SLC45A4: variants seen among roughly 807,000 people sequenced by gnomAD.
SLC45A4 encodes the protein polyamine-transporter SLC45A4.
Under a neutral mutation model 63.7 loss-of-function variants are expected in SLC45A4, and 32 were observed. That is an observed-to-expected ratio of 0.50 (90% CI 0.38 to 0.67). The LOEUF (loss-of-function observed/expected upper bound fraction) is 0.67. SLC45A4 is among the 30% of genes least tolerant of loss of function. SLC45A4 has a pLI of 0.00. For synonymous variants in SLC45A4, 535 were observed against 510.0 expected, an observed-to-expected ratio of 1.05 and a Z score of -0.66; for missense variants, 1,027 against 1,157.7, an observed-to-expected ratio of 0.89 and a Z score of 1.64.
At chr8:141,243,142 C>T (rs1827999088) in intron 2 of SLC45A4, among the ~76,000 whole-genome samples, 1 of 152,218 alleles carries the variant, frequency 6.6e-6, no homozygotes. Context: ...CCATGACTGT[C>T]CTCCCCACCG....
chr8:141,294,286 C>A (rs1440647701), intron 1 of SLC45A4, among the ~76,000 whole-genome samples: 1 of 152,230 alleles, frequency 6.6e-6, no homozygotes, highest in Non-Finnish European at 1.5e-5. Flanking sequence ...AGAAGCAGGT[C>A]TCAGTCAACG....
intron 1 of SLC45A4, among the ~76,000 whole-genome samples, chr8:141,298,912 G>C (rs1186326787): frequency 2.0e-5 from 3 of 152,066 alleles, no homozygotes; most frequent in African/African-American, 4.8e-5. Flanking sequence ...GTGGGGGGTG[G>C]GGGGAGCTGA....
chr8:141,216,032 TC>T, intron 6 of SLC45A4, 62 bp from the exon 7 acceptor site: 2 of 1,461,186 alleles, frequency 1.4e-6, no homozygotes, highest in Non-Finnish European at 1.9e-6. Flanking sequence ...TCGGGCTCCC[TC>T]CACCATCCCT....
At chr8:141,258,241 G>A (rs189852146) in intron 1 of SLC45A4, among the ~76,000 whole-genome samples, 17 of 152,158 alleles carry the variant, frequency 1.1e-4, no homozygotes, top group Admixed American at 6.5e-4. Flanking sequence ...GAAAGAAGGC[G>A]ACGGTGGAGC....
chr8:141,241,977 C>G (rs1340267083), intron 2 of SLC45A4, among the ~76,000 whole-genome samples: 1 of 152,100 alleles, frequency 6.6e-6, no homozygotes. Flanking sequence ...GTGGCCTTCG[C>G]ACGGACAGCG....
At chr8:141,284,623 A>G (rs1830073775) in intron 1 of SLC45A4, among the ~76,000 whole-genome samples, 1 of 152,186 alleles carries the variant, frequency 6.6e-6, no homozygotes. Context: ...CAGTGACCCA[A>G]AGAAAAAGAT....
intron 1 of SLC45A4, among the ~76,000 whole-genome samples, chr8:141,271,673 G>A (rs1297584908): frequency 6.6e-6 from 1 of 152,188 alleles, no homozygotes; most frequent in East Asian, 1.9e-4. Flanking sequence ...CCAAACAACT[G>A]GCAGGGGAGA....
intron 1 of SLC45A4, among the ~76,000 whole-genome samples, chr8:141,287,978 C>A (rs1360189719): frequency 6.6e-6 from 1 of 152,192 alleles, no homozygotes; most frequent in South Asian, 2.1e-4. Flanking sequence ...CCGACCCCCA[C>A]GTTTCTCCCA....
chr8:141,307,834 C>G (rs1287268638), intron 1 of SLC45A4, among the ~76,000 whole-genome samples: 1 of 142,262 alleles, frequency 7.0e-6, no homozygotes, highest in Non-Finnish European at 1.5e-5. Context: ...ATGAGGGAGG[C>G]TGCAGGGCTG....
chr8:141,278,928 G>C lies in SLC45A4; in HGVS notation c.-400-24299C>G, dbSNP rs1363938683. On this transcript the variant is annotated intron_variant, in intron 1 of 8. Coordinates refer to ENST00000517878, the MANE Select transcript of SLC45A4 (RefSeq NM_001286646.2). The surrounding 1 kb of genome is among the most constrained non-coding windows in gnomAD (Gnocchi z 4.1). ...CCAGCCTCCAGGGCAGCACACCTCAGCCTGCTCTGTCCCCTTCAAGGCCAG... is the reference window on the plus strand; with the variant it reads ...CCAGCCTCCAGGGCAGCACACCTCACCCTGCTCTGTCCCCTTCAAGGCCAG... Among the ~76,000 whole-genome samples, 2 of 152,196 alleles carry C rather than the reference G, an allele frequency of 1.3e-5. No homozygotes were observed. Among genetic ancestry groups the C allele is most frequent in the Non-Finnish European group, 2.9e-5 (2 of 68,018 alleles).
intron 2 of SLC45A4, among the ~76,000 whole-genome samples, chr8:141,243,942 T>G (rs1828039457): frequency 6.6e-6 from 1 of 152,200 alleles, no homozygotes. Flanking sequence ...ACTGCTTATA[T>G]TATTGGTAAG....
chr8:141,260,368 AGG>A lies in SLC45A4; in HGVS notation c.-400-5741_-400-5740del, dbSNP rs1360384044. ...AACTGTCCAAACAGTAATCTTAACA[AGG>A]CTAAATTAACCACTACAACAACATC... On this transcript the variant is annotated intron_variant, in intron 1 of 8. Transcript: ENST00000517878. 2.0e-5 allele frequency among the ~76,000 whole-genome samples: 3 copies of A among 152,372 alleles called. No homozygotes were observed. The East Asian group carries it at 5.8e-4, about 29-fold the overall frequency.
chr8:141,228,708 A>AATCTC, intron 2 of SLC45A4: 1 of 816,462 alleles, frequency 1.2e-6, no homozygotes, highest in Non-Finnish European at 1.5e-6. Flanking sequence ...AAGCTTCCTG[A>AATCTC]AGAGCACAAA....
chr8:141,228,121 A>C (rs1332205601), intron 2 of SLC45A4: 7 of 1,607,428 alleles, frequency 4.4e-6, no homozygotes, highest in Admixed American at 1.7e-5. Flanking sequence ...GGCTCACCGC[A>C]AGCTTTAGAT....
In SLC45A4 at chr8:141,232,291, G is replaced by A. The variant is rs572174772; in HGVS notation, c.242-10526C>T. 8.5e-5 allele frequency among the ~76,000 whole-genome samples: 13 copies of A among 152,382 alleles called. 1 individual carries two copies. Among genetic ancestry groups the A allele is most frequent in the South Asian group, 4.1e-4 (2 of 4,832 alleles). On this transcript the variant is annotated intron_variant, in intron 2 of 8. Coordinates refer to ENST00000517878, the MANE Select transcript of SLC45A4 (RefSeq NM_001286646.2). ...ATGCTTTGGCCATGGGCTGGTTCAC[G>A]TCCAAGGCTTGGACAAGATGACAGC...
At chr8:141,303,843 C>T (rs1266132257) in intron 1 of SLC45A4, among the ~76,000 whole-genome samples, 1 of 152,178 alleles carries the variant, frequency 6.6e-6, no homozygotes, top group Non-Finnish European at 1.5e-5. Context: ...CAGGTCTGAA[C>T]AATACCTCCC....
At chr8:141,303,308 T>C (rs1563686816) in intron 1 of SLC45A4, among the ~76,000 whole-genome samples, 2 of 150,550 alleles carry the variant, frequency 1.3e-5, no homozygotes, top group Non-Finnish European at 3.0e-5. Context: ...ATTTTTGTTT[T>C]TTTTTTTTTT....
intron 2 of SLC45A4, 30 bp from the exon 3 acceptor site, chr8:141,221,795 G>A (rs748406017): frequency 1.2e-5 from 19 of 1,599,984 alleles, no homozygotes; most frequent in African/African-American, 4.0e-5. Context: ...CGTCGCACAC[G>A]CAGGCACTGG....
In SLC45A4 at chr8:141,217,842, G is replaced by A. The variant is rs151084605; in HGVS notation, c.1629+169C>T. On this transcript the variant is annotated intron_variant, in intron 5 of 8. Transcript: ENST00000517878. ...GCCCCCACCAAGTTCCCAGAGGCGC[G>A]CGCGGGCCAGCTGCCTGCCGCGGGT... is the stretch of plus-strand genomic sequence containing the variant. Among the ~76,000 whole-genome samples, 1,416 of 152,240 alleles carry A rather than the reference G, an allele frequency of 9.3e-3. 26 individuals carry two copies. The highest frequency in any genetic ancestry group is 0.033 in the African/African-American group (1,353 of 41,536).
Sources: allele counts gnomAD v4.1 joint callset (sites outside exome capture counted in the v4.1 genomes callset), GRCh38; gene constraint gnomAD v4.1.1; non-coding constraint Gnocchi (gnomAD v3.1); transcripts MANE v1.5; gene names NCBI Gene and HGNC (gene_info 2026-07-23, HGNC 2026-07-21).